Variants in ZDHHC14 observed in about 807,000 individuals in gnomAD.
ZDHHC14 encodes palmitoyltransferase ZDHHC14.
ZDHHC14 carries 16 observed loss-of-function variants against 47.7 expected under a neutral mutation model. The ratio of observed to expected loss-of-function variants is 0.34; its 90% confidence interval spans 0.23 to 0.51. ZDHHC14 has a LOEUF of 0.51. ZDHHC14 is among the 20% of genes least tolerant of loss of function. The probability of loss-of-function intolerance (pLI) is 0.97; values close to 1 mark genes in which losing one functional copy is unlikely to be tolerated. For missense variants in ZDHHC14, 515 were observed against 662.5 expected (o/e 0.78, Z 2.44); for synonymous variants, 293 against 278.9 (o/e 1.05, Z -0.50).
Position 157,581,898 on chromosome 6 carries a change from AT to A in ZDHHC14, c.407-11080del, listed in dbSNP as rs943863950. 7.0e-4 allele frequency among the ~76,000 whole-genome samples: 103 copies of A among 148,032 alleles called. 1 individual carries two copies. In the South Asian group the frequency reaches 0.011, roughly 16 times the overall value. ...TTTATCCAGGTTGCCATTCTGTGAC[AT>A]TTTTTTTTTCTTTTTAAACAGGGTC... On this transcript the variant is annotated intron_variant, in intron 2 of 8. Coordinates refer to ENST00000359775, the MANE Select transcript of ZDHHC14 (RefSeq NM_024630.3).
At chr6:157,565,919 A>T (rs1782885530) in intron 2 of ZDHHC14, among the ~76,000 whole-genome samples, 1 of 152,086 alleles carries the variant, frequency 6.6e-6, no homozygotes, top group African/African-American at 2.4e-5. Flanking sequence ...AGACCCAGGG[A>T]AGTTAAGTCA....
intron 3 of ZDHHC14, among the ~76,000 whole-genome samples, chr6:157,609,813 G>A (rs1438332099): frequency 6.6e-6 from 1 of 152,226 alleles, no homozygotes; most frequent in Non-Finnish European, 1.5e-5. Context: ...GCTGAAGCCA[G>A]TGGAGTTGGA....
intron 1 of ZDHHC14, among the ~76,000 whole-genome samples, chr6:157,426,315 G>A (rs559640115): frequency 6.6e-6 from 1 of 152,244 alleles, no homozygotes; most frequent in East Asian, 1.9e-4. Context: ...ATGATTGGAT[G>A]GTGTCATTCA....
chr6:157,580,438 T>C lies in ZDHHC14; in HGVS notation c.407-12550T>C, dbSNP rs538523277. Reference sequence around the variant, plus strand: ...TTAGTTGGGGAAGAGTCCCTGCTCATTTTTTTGGAACAGTTTCAGTAGGAA... The same window carrying C: ...TTAGTTGGGGAAGAGTCCCTGCTCACTTTTTTGGAACAGTTTCAGTAGGAA... On this transcript the variant is annotated intron_variant, in intron 2 of 8. Coordinates refer to ENST00000359775, the MANE Select transcript of ZDHHC14 (RefSeq NM_024630.3). Among the ~76,000 whole-genome samples the C allele has an allele frequency of 5.1e-4, 78 of 152,204 alleles. 1 individual carries two copies. The highest frequency in any genetic ancestry group is 9.0e-4 in the Non-Finnish European group (61 of 67,968).
intron 3 of ZDHHC14, among the ~76,000 whole-genome samples, chr6:157,597,206 C>G (rs897879813): frequency 6.6e-6 from 1 of 152,176 alleles, no homozygotes; most frequent in African/African-American, 2.4e-5. Context: ...TCTTCTCTCT[C>G]GGATCCTCAT....
At chr6:157,407,464 A>G (rs1777787068) in intron 1 of ZDHHC14, among the ~76,000 whole-genome samples, 1 of 152,186 alleles carries the variant, frequency 6.6e-6, no homozygotes, top group Non-Finnish European at 1.5e-5. Context: ...TTTACTGGAC[A>G]CAAGAAAACT....
intron 1 of ZDHHC14, among the ~76,000 whole-genome samples, chr6:157,465,465 T>C (rs1021339363): frequency 6.6e-6 from 1 of 152,042 alleles, no homozygotes; most frequent in Admixed American, 6.6e-5. Flanking sequence ...GCCACCCCCA[T>C]AACAATGCAT....
chr6:157,464,712 C>T (rs866602892), intron 1 of ZDHHC14, among the ~76,000 whole-genome samples: 6 of 152,272 alleles, frequency 3.9e-5, no homozygotes, highest in Middle Eastern at 3.4e-3. Flanking sequence ...CTTAGTGACC[C>T]GAAGCAAATT....
At chr6:157,445,754 G>T (rs1329489227) in intron 1 of ZDHHC14, among the ~76,000 whole-genome samples, 1 of 152,182 alleles carries the variant, frequency 6.6e-6, no homozygotes, top group Non-Finnish European at 1.5e-5. Context: ...AGGCAAGATG[G>T]TTCTGGTTTG....
intron 1 of ZDHHC14, among the ~76,000 whole-genome samples, chr6:157,525,355 A>G (rs147667515): frequency 4.2e-4 from 64 of 152,188 alleles, no homozygotes; most frequent in African/African-American, 1.3e-3. Flanking sequence ...TTGTAGAAAC[A>G]GGGTCTTGCC....
intron 1 of ZDHHC14, among the ~76,000 whole-genome samples, chr6:157,487,866 C>T (rs1163310242): frequency 6.6e-6 from 1 of 152,198 alleles, no homozygotes; most frequent in East Asian, 1.9e-4. Flanking sequence ...GGCAGGTCCC[C>T]CGGAGCTGCT....
At chr6:157,543,487 G>A (rs1781850061) in intron 2 of ZDHHC14, among the ~76,000 whole-genome samples, 1 of 152,168 alleles carries the variant, frequency 6.6e-6, no homozygotes, top group Admixed American at 6.5e-5. Flanking sequence ...TGAACATAAT[G>A]TTTAGGCCTG....
At chr6:157,512,908 T>C (rs1476829980) in intron 1 of ZDHHC14, among the ~76,000 whole-genome samples, 1 of 152,234 alleles carries the variant, frequency 6.6e-6, no homozygotes, top group Non-Finnish European at 1.5e-5. Context: ...AGGAAAAGCA[T>C]GTTTCTGCCT....
intron 1 of ZDHHC14, among the ~76,000 whole-genome samples, chr6:157,468,305 G>A (rs1168562159): frequency 5.9e-5 from 9 of 152,182 alleles, no homozygotes; most frequent in Non-Finnish European, 1.0e-4. Context: ...GGCTCTGAAC[G>A]CGGAGGTAGC....
chr6:157,541,853 C>T (rs149223768), intron 1 of ZDHHC14, among the ~76,000 whole-genome samples: 122 of 152,324 alleles, frequency 8.0e-4, no homozygotes, highest in African/African-American at 2.7e-3. Context: ...CCCTGCTTCA[C>T]GTCAGCATGT....
intron 1 of ZDHHC14, among the ~76,000 whole-genome samples, chr6:157,474,504 A>G (rs1278268156): frequency 6.6e-6 from 1 of 152,070 alleles, no homozygotes; most frequent in East Asian, 1.9e-4. Flanking sequence ...GTTTTTTATA[A>G]TAGCTGTACT....
In ZDHHC14 at chr6:157,646,031, C is replaced by T. The variant is rs181065428; in HGVS notation, c.855+192C>T. On this transcript the variant is annotated intron_variant, in intron 6 of 8. Coordinates refer to ENST00000359775, the MANE Select transcript of ZDHHC14 (RefSeq NM_024630.3). ...CACGTTTCTCTTCTGGGAATCTCCACGTTCTCTGTTTTTCCGACCACATCC... is the reference window on the plus strand; with the variant it reads ...CACGTTTCTCTTCTGGGAATCTCCATGTTCTCTGTTTTTCCGACCACATCC... Among the ~76,000 whole-genome samples, 162 of 152,332 alleles carry T rather than the reference C, an allele frequency of 1.1e-3. 1 individual carries two copies. Among genetic ancestry groups the T allele is most frequent in the African/African-American group, 3.7e-3 (153 of 41,578 alleles).
intron 2 of ZDHHC14, 135 bp from the exon 3 acceptor site, chr6:157,592,853 G>C (rs1783968659): frequency 1.4e-6 from 2 of 1,480,798 alleles, no homozygotes; most frequent in Admixed American, 5.3e-5. Context: ...CCCCAGCCTG[G>C]GTAAACCGTG....
At chr6:157,584,791 G>A (rs765407411) in intron 2 of ZDHHC14, among the ~76,000 whole-genome samples, 3 of 152,184 alleles carry the variant, frequency 2.0e-5, no homozygotes, top group Non-Finnish European at 4.4e-5. Flanking sequence ...AGATGTAAGT[G>A]CTGTTATTAT....
Sources: allele counts gnomAD v4.1 joint callset (sites outside exome capture counted in the v4.1 genomes callset), GRCh38; gene constraint gnomAD v4.1.1; transcripts MANE v1.5; gene names NCBI Gene and HGNC (gene_info 2026-07-23, HGNC 2026-07-21).